The following AMOTL2 variants were observed in gnomAD, a reference collection of about 807,000 sequenced individuals.
AMOTL2 encodes the protein angiomotin like 2.
In AMOTL2, 33 loss-of-function variants were observed where a neutral mutation model predicts 78.4. The observed-to-expected ratio is 0.42, with a 90% CI of 0.32 to 0.56. The LOEUF is 0.56. Among genes scored for constraint, AMOTL2 ranks in the 20% least tolerant of loss-of-function variants. AMOTL2 has a pLI of 0.12. For missense variants in AMOTL2, 983 were observed against 1,030.1 expected (o/e 0.95, Z 0.63); for synonymous variants, 422 against 428.8 (o/e 0.98, Z 0.20).
intron 1 of AMOTL2, among the ~76,000 whole-genome samples, chr3:134,372,657 C>T (rs2017920820): frequency 6.6e-6 from 1 of 152,054 alleles, no homozygotes; most frequent in Non-Finnish European, 1.5e-5. Context: ...CAAGGAAGCC[C>T]ATCTTGACTT....
chr3:134,371,629 A>G, intron 1 of AMOTL2, 135 bp from the exon 2 acceptor site: 1 of 1,392,592 alleles, frequency 7.2e-7, no homozygotes, highest in Non-Finnish European at 9.4e-7. Context: ...GGCGGTTCAC[A>G]CAAGCCTGGG....
At chr3:134,361,850 G>A (rs1218535975) in intron 5 of AMOTL2, 43 bp from the exon 6 acceptor site, 5 of 1,479,482 alleles carry the variant, frequency 3.4e-6, no homozygotes, top group African/African-American at 1.4e-5. Context: ...TGACCACGTT[G>A]GCTGGCCCCA....
At chr3:134,359,149 G>T in intron 8 of AMOTL2, 134 bp downstream of exon 8, 2 of 973,650 alleles carry the variant, frequency 2.1e-6, no homozygotes, top group Non-Finnish European at 1.6e-6. Context: ...CAGAGAATAA[G>T]CCAGCTCCCC....
chr3:134,361,869 T>C lies in AMOTL2; in HGVS notation c.1280-62A>G. 6.3e-6 allele frequency: 9 copies of C among 1,419,704 alleles called. No individual in the cohort carries two copies. In the Middle Eastern group the frequency reaches 5.6e-4, roughly 88 times the overall value. 87.9% of individuals were successfully genotyped at this position (1,419,704 alleles called of 1,614,324 possible). A position where few individuals can be genotyped will look rare whatever the true frequency, so the allele number is the denominator to read the frequency against. On this transcript the variant is annotated intron_variant, in intron 5 of 9. Coordinates refer to ENST00000249883, the MANE Select transcript of AMOTL2 (RefSeq NM_016201.4). ...CACGTTGGCTGGCCCCATTGCCTCC[T>C]GGGCTCAGTGCTGACCACTGGATGA... is the stretch of plus-strand genomic sequence containing the variant.
chr3:134,373,087 C>G (rs544878204), intron 1 of AMOTL2, among the ~76,000 whole-genome samples: 37 of 152,128 alleles, frequency 2.4e-4, no homozygotes, highest in Non-Finnish European at 4.4e-4. Flanking sequence ...CTGCCCAGAG[C>G]TGGGGAGTGG....
rs910817210 is a variant in AMOTL2 at position 134,358,732 on chromosome 3, G to A, written c.2105-13C>T. 6.2e-6 allele frequency: 10 copies of A among 1,613,880 alleles called. No homozygotes were observed. The highest frequency in any genetic ancestry group is 1.7e-5 in the Admixed American group (1 of 59,986). On this transcript the variant is annotated splice_polypyrimidine_tract_variant and intron_variant, in intron 8 of 9. Transcript: ENST00000249883. ...GGTGCTCTGTCTGCTGGAAAGGTAG[G>A]TGGATGGTTATTGCCATGCCTGTAA...
chr3:134,366,325 T>C lies in AMOTL2; in HGVS notation c.1144A>G (p.Ser382Gly), dbSNP rs199926809. The C allele has an allele frequency of 6.2e-7, 1 of 1,614,216 alleles. No individual in the cohort carries two copies. Among genetic ancestry groups the C allele is most frequent in the East Asian group, 2.2e-5 (1 of 44,876 alleles). Residue 382 changes from serine to glycine, a missense_variant, in exon 4 of 10, where the codon AGT becomes GGT. Coordinates refer to ENST00000249883, the MANE Select transcript of AMOTL2 (RefSeq NM_016201.4). ...AAGTCTTGCAGCCTCCTCATTTCAC[T>C]GTCCATCTTGTTCCGCATGGTCTTC... ...LEKTMRNKMD[S>G]EMRRLQDFNR... is the part of the protein sequence containing the mutation.
Position 134,366,396 on chromosome 3 carries a change from G to A in AMOTL2, c.1073C>T (p.Ala358Val). Residue 358 changes from alanine to valine, a missense_variant, in exon 4 of 10, where the codon GCC (alanine) becomes GTC (valine). Ala to Val is a moderately conservative substitution (Grantham distance 64). Transcript: ENST00000249883. ...LESEIQRLSE[A>V]HESLTRASSK... The stretch of plus-strand genomic sequence containing the variant: ...GGAGGCTCTGGTCAGGCTCTCATGG[G>A]CCTCAGAGAGCCGCTGGATTTCGCT... 1.9e-6 allele frequency: 3 copies of A among 1,613,340 alleles called. No homozygotes were observed. Among genetic ancestry groups the A allele is most frequent in the Non-Finnish European group, 2.5e-6 (3 of 1,179,898 alleles).
chr3:134,366,977 A>T (rs1576583077), intron 3 of AMOTL2: 1 of 156,130 alleles, frequency 6.4e-6, no homozygotes, highest in Admixed American at 6.5e-5. Flanking sequence ...CCCAGGCATC[A>T]CCATCCACCC....
intron 2 of AMOTL2, 143 bp downstream of exon 2, chr3:134,370,556 AG>A: frequency 9.1e-7 from 1 of 1,099,974 alleles, no homozygotes; most frequent in Non-Finnish European, 1.2e-6. Flanking sequence ...CTTCTCTGCC[AG>A]GCATTAGCTC....
upstream of AMOTL2, chr3:134,374,795 C>T (rs910293727): frequency 6.8e-6 from 7 of 1,034,166 alleles, no homozygotes; most frequent in African/African-American, 6.8e-5. Flanking sequence ...CGCCTCCACT[C>T]CCAGTCGCCG....
At chr3:134,372,532 C>CACACACACAT (rs1387956402) in intron 1 of AMOTL2, among the ~76,000 whole-genome samples, 1 of 143,200 alleles carries the variant, frequency 7.0e-6, no homozygotes, top group Non-Finnish European at 1.5e-5. Context: ...TCCTCCCCAA[C>CACACACACAT]ACACACACAC....
Position 134,374,287 on chromosome 3 carries a change from G to C in AMOTL2, c.-62+55C>G, listed in dbSNP as rs1273515676. The C allele has an allele frequency of 4.1e-6, 4 of 985,322 alleles. No individual in the cohort carries two copies. In the African/African-American group the frequency reaches 5.2e-5, roughly 13 times the overall value. The allele number at this position is 985,322 out of a possible 1,614,324, so 61.0% of individuals were successfully genotyped here. Reference sequence around the variant, plus strand: ...TGCGCCGAGACTCCAGCTTTGGCTGGGGCACGTTTCTGTGGCCTCGCGCGC... The same window carrying C: ...TGCGCCGAGACTCCAGCTTTGGCTGCGGCACGTTTCTGTGGCCTCGCGCGC... On this transcript the variant is annotated intron_variant, in intron 1 of 9. Transcript: ENST00000249883.
chr3:134,367,904 G>T, intron 2 of AMOTL2, 101 bp from the exon 3 acceptor site: 2 of 896,034 alleles, frequency 2.2e-6, no homozygotes, highest in African/African-American at 1.7e-5. Flanking sequence ...CTGGGAAGAT[G>T]GTTAATTATT....
In AMOTL2 at chr3:134,370,952, C is replaced by A. The variant is rs201856617; in HGVS notation, c.482G>T (p.Arg161Leu). The A allele has an allele frequency of 1.9e-6, 3 of 1,611,164 alleles. No homozygotes were observed. In the South Asian group the frequency reaches 3.3e-5, roughly 18 times the overall value. Residue 161 changes from arginine (R) to leucine (L), a missense_variant, in exon 2 of 10, where the codon CGG becomes CTG. By Grantham distance (102) the Arg-to-Leu change is moderately radical (BLOSUM62 -2). Transcript: ENST00000249883. The part of the protein sequence containing the change: ...RHGHVRSLSE[R>L]LLQLSLERNG... ...CCTCTCCAGGGACAACTGAAGGAGCCGTTCACTCAACGAGCGCACGTGCCC... is the reference window on the plus strand; with the variant it reads ...CCTCTCCAGGGACAACTGAAGGAGCAGTTCACTCAACGAGCGCACGTGCCC...
Position 134,373,501 on chromosome 3 carries a change from C to T in AMOTL2, c.-62+841G>A, listed in dbSNP as rs911971385. 3.0e-6 allele frequency: 3 copies of T among 985,438 alleles called. No individual in the cohort carries two copies. In the African/African-American group the frequency reaches 5.2e-5, roughly 17 times the overall value. The allele number at this position is 985,438 out of a possible 1,614,324, so 61.0% of individuals were successfully genotyped here. A position where few individuals can be genotyped will look rare whatever the true frequency, so the allele number is the denominator to read the frequency against. On this transcript the variant is annotated intron_variant, in intron 1 of 9. Transcript: ENST00000249883. ...GCCTTTACAAAAACCTGCTTCCGCG[C>T]CCCCGGCCGCGAACCTCTGCTGCAC...
chr3:134,359,141 G>A, intron 8 of AMOTL2, 142 bp downstream of exon 8: 3 of 888,312 alleles, frequency 3.4e-6, no homozygotes, highest in Non-Finnish European at 3.5e-6. Flanking sequence ...ACTAGAGGCA[G>A]AGAATAAGCC....
chr3:134,364,657 TC>T (rs1392829685), intron 5 of AMOTL2, among the ~76,000 whole-genome samples: 2 of 151,860 alleles, frequency 1.3e-5, no homozygotes, highest in African/African-American at 4.8e-5. Flanking sequence ...AGTGCTGTGT[TC>T]CCCCATTCCC....
At chr3:134,358,268 C>G (rs1295512241) in intron 9 of AMOTL2, among the ~76,000 whole-genome samples, 4 of 152,206 alleles carry the variant, frequency 2.6e-5, no homozygotes, top group Admixed American at 2.6e-4. Flanking sequence ...GAAAGAGGAG[C>G]TAAAGTGCCT....
Sources: gnomAD v4.1 joint callset for allele counts (sites outside exome capture counted in the v4.1 genomes callset) on GRCh38, gnomAD v4.1.1 for gene constraint, MANE v1.5 for transcripts, NCBI Gene and HGNC (gene_info 2026-07-23, HGNC 2026-07-21) for gene names.